The following MICAL3 variants were observed in gnomAD, a reference collection of about 807,000 sequenced individuals.
MICAL3 encodes the protein microtubule associated monooxygenase, calponin and LIM domain containing 3.
MICAL3 carries 62 observed loss-of-function variants against 207.4 expected under a neutral mutation model. That is an observed-to-expected ratio of 0.30 (90% CI 0.24 to 0.37). The LOEUF is 0.37. Ranked by LOEUF, MICAL3 falls within the 10% of genes least tolerant of loss-of-function variation. The pLI is 1.00. For synonymous variants in MICAL3, 1,077 were observed against 1,069.3 expected (o/e 1.01, Z -0.14); for missense variants, 2,368 against 2,635.6 (o/e 0.90, Z 2.22).
chr22:17,894,006 G>A, intron 10 of MICAL3, 102 bp from the exon 11 acceptor site: 2 of 816,950 alleles, frequency 2.4e-6, no homozygotes, highest in South Asian at 1.5e-5. Flanking sequence ...GGGATAGAAG[G>A]CTGGGTAAAG....
intron 7 of MICAL3, 62 bp downstream of exon 7, chr22:17,899,385 CT>C: frequency 1.8e-6 from 2 of 1,087,676 alleles, no homozygotes; most frequent in South Asian, 2.7e-5. Context: ...TCAGACAATT[CT>C]TTCTCTTGGT....
rs767683692 is a variant in MICAL3 at position 17,886,038 on chromosome 22, C to T, written c.2081G>A (p.Arg694Gln). 1.9e-6 allele frequency: 3 copies of T among 1,613,936 alleles called. No individual in the cohort carries two copies. The highest frequency in any genetic ancestry group is 2.5e-6 in the Non-Finnish European group (3 of 1,179,876). The change falls in exon 16 of 32, where the codon CGG becomes CAG. Residue 694 changes from arginine to glutamine, a missense_variant. Physicochemically the swap from Arg to Gln is conservative, Grantham distance 43. Around this residue, in one of 4 missense-constraint regions of MICAL3, gnomAD observed 1,770 missense variants for 1,863.2 expected, o/e 0.95. Transcript: ENST00000441493. Reference sequence around the variant, plus strand: ...GGTCGGTCTTTCTCCTCTGTGGCCCCGAGGAGCTTCCTCCTGGTCAATGCC... The same window carrying T: ...GGTCGGTCTTTCTCCTCTGTGGCCCTGAGGAGCTTCCTCCTGGTCAATGCC... ...TSQSEEEEAP[R>Q]GHRGERPTLV... is the part of the protein sequence containing the mutation.
At chr22:17,810,678 C>A in intron 28 of MICAL3, 25 bp downstream of exon 28, 1 of 1,588,014 alleles carries the variant, frequency 6.3e-7, no homozygotes, top group Non-Finnish European at 8.6e-7. Flanking sequence ...TGCATGTGCC[C>A]TGGTCCCATC....
chr22:17,959,269 G>C (rs767984610), intron 1 of MICAL3, among the ~76,000 whole-genome samples: 10 of 150,774 alleles, frequency 6.6e-5, no homozygotes, highest in Non-Finnish European at 1.3e-4. Flanking sequence ...CCCACCTCAG[G>C]CTCCCAAAGT....
intron 27 of MICAL3, chr22:17,813,730 G>C (rs921746555): frequency 1.3e-5 from 2 of 152,208 alleles, no homozygotes; most frequent in Non-Finnish European, 2.9e-5. Context: ...GGCTGGGAGG[G>C]GTGAAGTCAC....
chr22:17,880,227 G>A (rs764192584), intron 16 of MICAL3, among the ~76,000 whole-genome samples: 4 of 152,150 alleles, frequency 2.6e-5, no homozygotes, highest in Non-Finnish European at 5.9e-5. Flanking sequence ...CTTACTATGC[G>A]GCTCAGACAC....
At chr22:18,001,515 G>T (rs534582919) in intron 1 of MICAL3, 1 of 152,416 alleles carries the variant, frequency 6.6e-6, no homozygotes, top group African/African-American at 2.4e-5. Context: ...GCAGCCGGGG[G>T]ATGGGCGGGC....
chr22:17,954,694 C>T (rs1442721886), intron 1 of MICAL3, among the ~76,000 whole-genome samples: 1 of 151,874 alleles, frequency 6.6e-6, no homozygotes, highest in Non-Finnish European at 1.5e-5. Flanking sequence ...AGCAGAATCT[C>T]AGTGTGGTTA....
intron 1 of MICAL3, among the ~76,000 whole-genome samples, chr22:17,964,347 C>T (rs1020736993): frequency 1.3e-5 from 2 of 152,210 alleles, no homozygotes; most frequent in Non-Finnish European, 2.9e-5. Context: ...ATGCAAAGCC[C>T]CGTCTCCCAG....
intron 1 of MICAL3, among the ~76,000 whole-genome samples, chr22:17,956,396 G>A (rs551423227): frequency 2.6e-5 from 4 of 152,262 alleles, no homozygotes; most frequent in African/African-American, 9.6e-5. Context: ...ACTACCGGCC[G>A]GGCATGGTGG....
chr22:17,877,220 G>A (rs1285886430), intron 16 of MICAL3, among the ~76,000 whole-genome samples: 11 of 109,626 alleles, frequency 1.0e-4, no homozygotes, highest in East Asian at 2.7e-4. Context: ...AGGTTATGGA[G>A]GTTAGGGAGG....
chr22:17,930,093 A>G (rs558700501), intron 1 of MICAL3, among the ~76,000 whole-genome samples: 1 of 152,164 alleles, frequency 6.6e-6, no homozygotes, highest in East Asian at 1.9e-4. Flanking sequence ...AGTCACAGGA[A>G]GTCCATCAAA....
rs568306963 is a variant in MICAL3 at position 17,801,215 on chromosome 22, G to T, written c.5650+7629C>A. On this transcript the variant is annotated intron_variant, in intron 29 of 31. Transcript: ENST00000441493. ...TCGCCCAGGCTGGAGTGCAGTGGCG[G>T]GATCTCGGCTCACTGCAAGCTCCGC... Among the ~76,000 whole-genome samples the T allele has an allele frequency of 1.3e-4, 14 of 105,940 alleles. 4 individuals carry two copies. The East Asian group carries it at 3.4e-3, about 26-fold the overall frequency. The allele number at this position is 105,940 out of a possible 152,430, so 69.5% of individuals were successfully genotyped here.
intron 16 of MICAL3, chr22:17,884,403 C>A: frequency 7.0e-7 from 1 of 1,429,696 alleles, no homozygotes; most frequent in South Asian, 1.3e-5. Context: ...GACATGGAGA[C>A]AAAACAAAAT....
intron 19 of MICAL3, among the ~76,000 whole-genome samples, chr22:17,859,015 A>C (rs889873250): frequency 9.9e-5 from 15 of 152,112 alleles, no homozygotes; most frequent in Non-Finnish European, 1.5e-4. Context: ...TAGGATACTG[A>C]CTGACTTATT....
At chr22:17,848,956 A>G (rs1212404119) in intron 19 of MICAL3, among the ~76,000 whole-genome samples, 1 of 152,214 alleles carries the variant, frequency 6.6e-6, no homozygotes, top group Non-Finnish European at 1.5e-5. Flanking sequence ...CCATGTGTGG[A>G]AAGGAAGTTT....
chr22:17,926,723 G>C (rs770514775), intron 1 of MICAL3, among the ~76,000 whole-genome samples: 7 of 152,200 alleles, frequency 4.6e-5, no homozygotes, highest in African/African-American at 9.7e-5. Context: ...GGGCGTGCAG[G>C]CAACTGTACC....
intron 1 of MICAL3, among the ~76,000 whole-genome samples, chr22:17,993,299 G>A (rs143175210): frequency 5.5e-4 from 84 of 151,668 alleles, no homozygotes; most frequent in African/African-American, 1.9e-3. Context: ...TGTGCAGAAC[G>A]TGCAGGTTTG....
intron 1 of MICAL3, among the ~76,000 whole-genome samples, chr22:17,933,822 T>G (rs1251900853): frequency 6.6e-6 from 1 of 152,196 alleles, no homozygotes; most frequent in African/African-American, 2.4e-5. Flanking sequence ...AAATACAAAC[T>G]ATCATCAGAG....
Sources: gnomAD v4.1 joint callset for allele counts (sites outside exome capture counted in the v4.1 genomes callset) on GRCh38, gnomAD v4.1.1 for gene constraint, gnomAD v4.1.1 regional missense constraint, MANE v1.5 for transcripts, NCBI Gene and HGNC (gene_info 2026-07-23, HGNC 2026-07-21) for gene names.